C9orf153: variants seen among roughly 807,000 people sequenced by gnomAD.
C9orf153 encodes uncharacterized protein C9orf153.
C9orf153 carries 10 observed loss-of-function variants against 9.0 expected under a neutral mutation model. That is an observed-to-expected ratio of 1.11 (90% CI 0.69 to 1.89). The LOEUF is 1.89. Ranked by LOEUF, C9orf153 falls within the 40% of genes most tolerant of loss-of-function variation. The pLI, the probability that C9orf153 is intolerant of heterozygous loss-of-function variation, is 0.00. For synonymous variants in C9orf153, 35 were observed against 37.3 expected, an observed-to-expected ratio of 0.94 and a Z score of 0.23; for missense variants, 108 against 111.0, an observed-to-expected ratio of 0.97 and a Z score of 0.12.
At position 86,256,518 on chromosome 9, in the gene C9orf153, C is replaced by T. The variant is rs563715788; in HGVS notation, c.-27+3032G>A. 7.9e-5 allele frequency among the ~76,000 whole-genome samples: 12 copies of T among 152,236 alleles called. No individual in the cohort carries two copies. The South Asian group carries it at 2.3e-3, about 29-fold the overall frequency. On this transcript the variant is annotated intron_variant, in intron 1 of 3. Coordinates refer to ENST00000339137, the MANE Select transcript of C9orf153 (RefSeq NM_001276366.4). Reference sequence around the variant, plus strand: ...GGAAAATGCTCAACATTTAAATACGCAGGAGCTATTAGGAACAAAATGAGA... The same window carrying T: ...GGAAAATGCTCAACATTTAAATACGTAGGAGCTATTAGGAACAAAATGAGA...
At chr9:86,227,272 G>T in intron 3 of C9orf153, 1 of 1,385,434 alleles carries the variant, frequency 7.2e-7, no homozygotes, top group South Asian at 1.8e-5. Context: ...TAAACCTCTC[G>T]GGTAGCCGAG....
intron 3 of C9orf153, among the ~76,000 whole-genome samples, chr9:86,223,828 C>CA (rs1435102991): frequency 6.6e-6 from 1 of 152,000 alleles, no homozygotes; most frequent in East Asian, 1.9e-4. Flanking sequence ...AAGCTACACA[C>CA]AAAAAAATGG....
intron 1 of C9orf153, among the ~76,000 whole-genome samples, chr9:86,254,641 C>T (rs1002154443): frequency 1.3e-5 from 2 of 152,174 alleles, no homozygotes; most frequent in Admixed American, 1.3e-4. Flanking sequence ...TCTTCTGTTT[C>T]CATAGAAATG....
intron 1 of C9orf153, among the ~76,000 whole-genome samples, chr9:86,233,808 G>C (rs553879173): frequency 6.6e-6 from 1 of 152,222 alleles, no homozygotes; most frequent in East Asian, 1.9e-4. Flanking sequence ...ATTTCGGCCG[G>C]GCGCGGTGAC....
In C9orf153 at chr9:86,239,896, G is replaced by C. The variant is rs150356906; in HGVS notation, c.-26-10267C>G. On this transcript the variant is annotated intron_variant, in intron 1 of 3. Coordinates refer to ENST00000339137, the MANE Select transcript of C9orf153 (RefSeq NM_001276366.4). Reference sequence around the variant, plus strand: ...CCTGGTATGTATAAAAGGGAATCTGGGCTGTTAGAATTTTCCAGGATGCAC... The same window carrying C: ...CCTGGTATGTATAAAAGGGAATCTGCGCTGTTAGAATTTTCCAGGATGCAC... Among the ~76,000 whole-genome samples the C allele has an allele frequency of 7.9e-5, 12 of 152,178 alleles. 1 individual carries two copies. The East Asian group carries it at 2.3e-3, about 29-fold the overall frequency.
At chr9:86,253,429 C>A (rs1825037666) in intron 1 of C9orf153, among the ~76,000 whole-genome samples, 1 of 152,190 alleles carries the variant, frequency 6.6e-6, no homozygotes, top group Non-Finnish European at 1.5e-5. Context: ...TAACCCAAAT[C>A]ATACAGGTAT....
At chr9:86,229,400 G>C in intron 2 of C9orf153, 138 bp downstream of exon 2, 1 of 589,750 alleles carries the variant, frequency 1.7e-6, no homozygotes, top group Non-Finnish European at 3.0e-6. Flanking sequence ...GACTAAGAAT[G>C]TTAAGTCATT....
chr9:86,224,400 GTAAA>G (rs1824272208), intron 3 of C9orf153, among the ~76,000 whole-genome samples: 1 of 151,538 alleles, frequency 6.6e-6, no homozygotes. Flanking sequence ...TAAAATTGAA[GTAAA>G]TAAATAATTG....
At chr9:86,223,217 T>C (rs550556474) in intron 3 of C9orf153, among the ~76,000 whole-genome samples, 28 of 152,196 alleles carry the variant, frequency 1.8e-4, no homozygotes, top group Middle Eastern at 3.4e-3. Context: ...AAGAGCCTCA[T>C]GTCCCAAACT....
At chr9:86,238,908 A>G (rs1824663035) in intron 1 of C9orf153, among the ~76,000 whole-genome samples, 1 of 152,020 alleles carries the variant, frequency 6.6e-6, no homozygotes, top group Non-Finnish European at 1.5e-5. Flanking sequence ...TAATATTTAT[A>G]CTAAACAAAA....
intron 2 of C9orf153, among the ~76,000 whole-genome samples, chr9:86,228,418 C>T (rs1352188465): frequency 6.6e-6 from 1 of 152,002 alleles, no homozygotes; most frequent in East Asian, 1.9e-4. Flanking sequence ...GCTATTATGT[C>T]TTTGAAGGAA....
At chr9:86,253,171 T>C (rs1825032140) in intron 1 of C9orf153, among the ~76,000 whole-genome samples, 1 of 152,236 alleles carries the variant, frequency 6.6e-6, no homozygotes, top group African/African-American at 2.4e-5. Context: ...GTAATGGACA[T>C]AATTGAATAC....
intron 1 of C9orf153, among the ~76,000 whole-genome samples, chr9:86,236,548 C>CAAAAA (rs976982879): frequency 7.2e-4 from 46 of 64,230 alleles, no homozygotes; most frequent in South Asian, 1.0e-3. Flanking sequence ...GACTCCATCT[C>CAAAAA]AAAAAAAAAA....
intron 1 of C9orf153, among the ~76,000 whole-genome samples, chr9:86,242,184 CAGA>C (rs1824759649): frequency 1.3e-5 from 2 of 152,150 alleles, no homozygotes; most frequent in South Asian, 4.2e-4. Context: ...ATCTTCCAGG[CAGA>C]AGGACCAGCC....
In C9orf153 at chr9:86,235,522, C is replaced by T. The variant is rs1471416272; in HGVS notation, c.-26-5893G>A. Among the ~76,000 whole-genome samples, 7 of 150,660 alleles carry T rather than the reference C, an allele frequency of 4.6e-5. No homozygotes were observed. The East Asian group carries it at 7.8e-4, about 17-fold the overall frequency. On this transcript the variant is annotated intron_variant, in intron 1 of 3. Coordinates refer to ENST00000339137, the MANE Select transcript of C9orf153 (RefSeq NM_001276366.4). The stretch of plus-strand genomic sequence containing the variant: ...CTGTAATACCAGCACTTTGGGAGGC[C>T]GAGGCGGGTGGATCATGAGGTCAGG...
chr9:86,234,028 A>T (rs1824528118), intron 1 of C9orf153, among the ~76,000 whole-genome samples: 1 of 152,162 alleles, frequency 6.6e-6, no homozygotes, highest in East Asian at 1.9e-4. Flanking sequence ...AGTCGCAGTG[A>T]GCTGAGATCA....
intron 3 of C9orf153, among the ~76,000 whole-genome samples, chr9:86,225,259 C>T (rs371250911): frequency 1.3e-5 from 2 of 152,104 alleles, no homozygotes; most frequent in East Asian, 3.9e-4. Flanking sequence ...ACTAATTACC[C>T]CTAAGGGATT....
At chr9:86,238,210 G>T (rs188984643) in intron 1 of C9orf153, among the ~76,000 whole-genome samples, 1 of 152,152 alleles carries the variant, frequency 6.6e-6, no homozygotes, top group Non-Finnish European at 1.5e-5. Flanking sequence ...CCCCTCTATC[G>T]AAAATGGACA....
chr9:86,254,083 T>A (rs1265696309), intron 1 of C9orf153, among the ~76,000 whole-genome samples: 1 of 91,802 alleles, frequency 1.1e-5, no homozygotes, highest in Non-Finnish European at 2.0e-5. Context: ...AGAGCGAGAC[T>A]CCATTTCAAA....
Sources: gnomAD v4.1 joint callset for allele counts (sites outside exome capture counted in the v4.1 genomes callset) on GRCh38, gnomAD v4.1.1 for gene constraint, MANE v1.5 for transcripts, NCBI Gene and HGNC (gene_info 2026-07-23, HGNC 2026-07-21) for gene names.